CCSER2: variants seen among roughly 807,000 people sequenced by gnomAD.
The protein encoded by CCSER2 is serine-rich coiled-coil domain-containing protein 2.
In CCSER2, 46 loss-of-function variants were observed where a neutral mutation model predicts 92.3. The observed-to-expected ratio is 0.50, with a 90% confidence interval of 0.39 to 0.64. The LOEUF is 0.64. Among genes scored for constraint, CCSER2 ranks in the 30% least tolerant of loss-of-function variants. CCSER2 has a pLI of 0.00. For synonymous variants in CCSER2, 433 were observed against 431.4 expected (o/e 1.00, Z -0.04); for missense variants, 1,244 against 1,238.9 (o/e 1.00, Z -0.06).
chr10:84,368,655 T>TA (rs1486361063), intron 1 of CCSER2, among the ~76,000 whole-genome samples: 1 of 152,114 alleles, frequency 6.6e-6, no homozygotes, highest in Non-Finnish European at 1.5e-5. Flanking sequence ...TGTATTTTTT[T>TA]AAAAAAATAA....
chr10:84,359,521 T>C (rs990103812), intron 1 of CCSER2, among the ~76,000 whole-genome samples: 26 of 152,202 alleles, frequency 1.7e-4, no homozygotes, highest in Middle Eastern at 3.4e-3. Flanking sequence ...CCTTAGAAAA[T>C]CTATTTTTAA....
chr10:84,487,841 G>A (rs1484438765), intron 9 of CCSER2, among the ~76,000 whole-genome samples: 2 of 152,204 alleles, frequency 1.3e-5, no homozygotes, highest in African/African-American at 4.8e-5. Flanking sequence ...AATGCTTCCA[G>A]TTTTTGCCCA....
chr10:84,461,746 AAAAT>A (rs1476569579), intron 6 of CCSER2, among the ~76,000 whole-genome samples: 1 of 151,538 alleles, frequency 6.6e-6, no homozygotes, highest in Non-Finnish European at 1.5e-5. Flanking sequence ...CAGCTCTGTT[AAAAT>A]CTCTTCCAGT....
At chr10:84,426,884 T>C (rs1589631987) in intron 5 of CCSER2, among the ~76,000 whole-genome samples, 2 of 152,330 alleles carry the variant, frequency 1.3e-5, no homozygotes, top group East Asian at 3.9e-4. Flanking sequence ...TAAGCAACAT[T>C]TTCAAACAAC....
intron 3 of CCSER2, among the ~76,000 whole-genome samples, chr10:84,400,943 C>T (rs761357652): frequency 6.6e-5 from 10 of 151,958 alleles, no homozygotes; most frequent in African/African-American, 1.2e-4. Context: ...CATCTGTAGC[C>T]GGGTGCCATG....
intron 9 of CCSER2, among the ~76,000 whole-genome samples, chr10:84,493,263 C>T (rs897855288): frequency 6.6e-6 from 1 of 152,028 alleles, no homozygotes; most frequent in African/African-American, 2.4e-5. Flanking sequence ...TCATAATATT[C>T]CTTTATTACC....
At chr10:84,476,695 G>A (rs932902159) in intron 8 of CCSER2, among the ~76,000 whole-genome samples, 3 of 151,818 alleles carry the variant, frequency 2.0e-5, no homozygotes, top group Non-Finnish European at 2.9e-5. Context: ...CGCCCGCCTC[G>A]GCCTCCCAAA....
At chr10:84,433,507 T>C (rs1426829591) in intron 5 of CCSER2, among the ~76,000 whole-genome samples, 1 of 152,092 alleles carries the variant, frequency 6.6e-6, no homozygotes, top group East Asian at 1.9e-4. Flanking sequence ...GTCTAACCTA[T>C]AAATCACAAA....
At chr10:84,489,131 C>A (rs1353010070) in intron 9 of CCSER2, among the ~76,000 whole-genome samples, 1 of 152,162 alleles carries the variant, frequency 6.6e-6, no homozygotes, top group African/African-American at 2.4e-5. Flanking sequence ...TGTTCTTTTA[C>A]ATTTGCTGAG....
chr10:84,383,048 T>A (rs999497375), intron 3 of CCSER2, among the ~76,000 whole-genome samples: 13 of 152,198 alleles, frequency 8.5e-5, no homozygotes, highest in Admixed American at 6.5e-5. Flanking sequence ...CTGAATGTCA[T>A]AATATTCTTA....
chr10:84,496,929 AG>A (rs1848486729), intron 9 of CCSER2, among the ~76,000 whole-genome samples: 1 of 152,164 alleles, frequency 6.6e-6, no homozygotes, highest in South Asian at 2.1e-4. Context: ...CAGCAGGAAA[AG>A]GGAGAAGTAT....
At chr10:84,413,106 A>ATT (rs200646710) in intron 3 of CCSER2, among the ~76,000 whole-genome samples, 1,766 of 133,416 alleles carry the variant, frequency 0.013, 34 homozygotes, top group African/African-American at 0.042. Context: ...GGATTCATTG[A>ATT]TTTTTTTTTT....
At chr10:84,375,421 C>A (rs952769238) in intron 3 of CCSER2, among the ~76,000 whole-genome samples, 2 of 152,140 alleles carry the variant, frequency 1.3e-5, no homozygotes, top group South Asian at 4.2e-4. Context: ...AGTTGAGAAC[C>A]ATGTGTTGAG....
At chr10:84,375,873 T>C (rs1374172865) in intron 3 of CCSER2, among the ~76,000 whole-genome samples, 1 of 151,370 alleles carries the variant, frequency 6.6e-6, no homozygotes, top group Non-Finnish European at 1.5e-5. Flanking sequence ...CTTTTTTTTT[T>C]TTCCTACAGT....
intron 3 of CCSER2, among the ~76,000 whole-genome samples, chr10:84,388,801 G>A (rs1841364061): frequency 6.6e-6 from 1 of 152,058 alleles, no homozygotes; most frequent in Non-Finnish European, 1.5e-5. Flanking sequence ...TTCACAATAG[G>A]GTTCTCTCTC....
At chr10:84,369,873 T>C (rs1471353549) in intron 1 of CCSER2, among the ~76,000 whole-genome samples, 1 of 152,122 alleles carries the variant, frequency 6.6e-6, no homozygotes, top group Non-Finnish European at 1.5e-5. Flanking sequence ...CATGTGGCTA[T>C]CCAGTTTTCC....
intron 3 of CCSER2, chr10:84,392,053 A>G: frequency 9.8e-6 from 11 of 1,123,318 alleles, no homozygotes; most frequent in Non-Finnish European, 1.2e-5. Context: ...TGTTTAATAC[A>G]CTTAAGCTGC....
At chr10:84,462,157 G>C (rs1846137268) in intron 6 of CCSER2, among the ~76,000 whole-genome samples, 1 of 152,216 alleles carries the variant, frequency 6.6e-6, no homozygotes, top group South Asian at 2.1e-4. Flanking sequence ...GTGCTGCTCA[G>C]GGATGAACCG....
Position 84,513,526 on chromosome 10 carries a change from T to A in CCSER2, c.2403T>A (p.Arg801=). The change falls in exon 10 of 10, where the codon CGT becomes CGA. Residue 801 remains arginine (R), a synonymous_variant. Coordinates refer to ENST00000372088, the MANE Select transcript of CCSER2 (RefSeq NM_001284240.2). ...AGGGAAAACTAATAAAGCCACAACG[T>A]ATCGAGGCCCGCAGTGAATGCTCAA... ...HTQGKLIKPQ[R]IEARSECSIQ... The A allele has an allele frequency of 1.9e-6, 3 of 1,614,086 alleles. No homozygotes were observed. The highest frequency in any genetic ancestry group is 1.7e-6 in the Non-Finnish European group (2 of 1,180,006).
Sources: gnomAD v4.1 joint callset for allele counts (sites outside exome capture counted in the v4.1 genomes callset) on GRCh38, gnomAD v4.1.1 for gene constraint, MANE v1.5 for transcripts, NCBI Gene and HGNC (gene_info 2026-07-23, HGNC 2026-07-21) for gene names.